The following GOLGA4 variants were observed in gnomAD, a reference collection of about 807,000 sequenced individuals.
The protein encoded by GOLGA4 is golgin subfamily A member 4.
A neutral mutation model predicts 265.9 loss-of-function variants in GOLGA4; 169 were observed. The observed-to-expected ratio is 0.64, with a 90% CI of 0.56 to 0.72. The LOEUF is 0.72. Ranked by LOEUF, GOLGA4 falls within the 30% of genes least tolerant of loss-of-function variation. The pLI, the probability that GOLGA4 is intolerant of heterozygous loss-of-function variation, is 0.00. For missense variants in GOLGA4, 2,482 were observed against 2,483.4 expected, an observed-to-expected ratio of 1.00 and a Z score of 0.01; for synonymous variants, 923 against 855.8, an observed-to-expected ratio of 1.08 and a Z score of -1.37.
Position 37,337,743 on chromosome 3 carries a change from C to T in GOLGA4, c.6396+9C>T, listed in dbSNP as rs140703855. On this transcript the variant is annotated intron_variant, in intron 19 of 23. Coordinates refer to ENST00000361924, the MANE Select transcript of GOLGA4 (RefSeq NM_002078.5). The stretch of plus-strand genomic sequence containing the variant: ...AAGAGTTCAGAGAACAGGTACAGGC[C>T]TAATTGGTACCTTTTATTTTGAACT... 18,401 of 1,532,482 alleles carry T rather than the reference C, an allele frequency of 0.012. 148 individuals carry two copies. Among genetic ancestry groups the T allele is most frequent in the Non-Finnish European group, 0.015 (16,197 of 1,105,774 alleles). The allele number at this position is 1,532,482 out of a possible 1,614,324, so 94.9% of individuals were successfully genotyped here.
chr3:37,305,530 A>G (rs1469718682), intron 10 of GOLGA4, among the ~76,000 whole-genome samples: 1 of 152,254 alleles, frequency 6.6e-6, no homozygotes, highest in East Asian at 1.9e-4. Context: ...CCAATTAAGT[A>G]CTAAACATAA....
At chr3:37,334,433 A>G (rs1347215002) in intron 16 of GOLGA4, among the ~76,000 whole-genome samples, 1 of 152,082 alleles carries the variant, frequency 6.6e-6, no homozygotes, top group African/African-American at 2.4e-5. Flanking sequence ...GGTGGGGGTA[A>G]ATACATAGGA....
At position 37,324,498 on chromosome 3, in the gene GOLGA4, A is replaced by C; in HGVS notation, c.2612A>C (p.Glu871Ala). 6.2e-7 allele frequency: 1 copy of C among 1,614,078 alleles called. No homozygotes were observed. Among genetic ancestry groups the C allele is most frequent in the Non-Finnish European group, 8.5e-7 (1 of 1,179,942 alleles). ...GTGCAGGACTTAATGCAGCAACTTGAAAAACAAAATAGTGAAATGGAGCAA... is the reference window on the plus strand; with the variant it reads ...GTGCAGGACTTAATGCAGCAACTTGCAAAACAAAATAGTGAAATGGAGCAA... ...IQVQDLMQQL[E>A]KQNSEMEQKV... is the part of the protein sequence containing the mutation. Residue 871 changes from glutamate to alanine, a missense_variant, in exon 14 of 24, where the codon GAA (glutamate) becomes GCA (alanine). Glu to Ala is a moderately radical substitution (Grantham distance 107). Transcript: ENST00000361924.
chr3:37,296,297 AC>A, intron 7 of GOLGA4, 78 bp downstream of exon 7: 1 of 1,412,708 alleles, frequency 7.1e-7, no homozygotes, highest in Non-Finnish European at 9.8e-7. Flanking sequence ...TTTAATCCCA[AC>A]ACTTTGGGAG....
intron 10 of GOLGA4, among the ~76,000 whole-genome samples, chr3:37,309,294 G>A (rs955624990): frequency 9.2e-5 from 14 of 151,468 alleles, no homozygotes; most frequent in Non-Finnish European, 1.6e-4. Context: ...GATGGCTCAT[G>A]CCTGTAATGC....
chr3:37,336,189 T>C (rs1441719912), intron 17 of GOLGA4, among the ~76,000 whole-genome samples: 2 of 152,180 alleles, frequency 1.3e-5, no homozygotes, highest in East Asian at 1.9e-4. Context: ...AATAGCTAAG[T>C]TAGTTCTGTT....
chr3:37,291,999 C>A (rs574253754), intron 5 of GOLGA4, among the ~76,000 whole-genome samples: 2 of 152,146 alleles, frequency 1.3e-5, no homozygotes, highest in South Asian at 2.1e-4. Flanking sequence ...TGACACAAGC[C>A]TCACTGGGCT....
At chr3:37,362,624 C>T (rs1011428335) in intron 23 of GOLGA4, among the ~76,000 whole-genome samples, 2 of 151,710 alleles carry the variant, frequency 1.3e-5, no homozygotes, top group Non-Finnish European at 2.9e-5. Context: ...CCTGTGTCAG[C>T]TCCTGGGCTC....
chr3:37,335,234 C>G (rs1281821784), intron 17 of GOLGA4, 68 bp downstream of exon 17: 2 of 814,476 alleles, frequency 2.5e-6, no homozygotes, highest in Admixed American at 2.2e-5. Flanking sequence ...TTTGACTAGC[C>G]TACTAACATA....
chr3:37,332,539 T>A (rs1015545877), intron 16 of GOLGA4, among the ~76,000 whole-genome samples: 1 of 152,120 alleles, frequency 6.6e-6, no homozygotes, highest in Admixed American at 6.5e-5. Flanking sequence ...TTAAATAAAA[T>A]TTTTAAATTT....
Position 37,325,021 on chromosome 3 carries a change from A to C in GOLGA4, c.3135A>C (p.Ser1045=). The change falls in exon 14 of 24, where the codon TCA becomes TCC. Residue 1045 remains serine, a synonymous_variant. Transcript: ENST00000361924. ...GACGAGAACTCAATGATGTCATATCAATCTGGGAAAAGAAACTTAATCAGC... is the reference window on the plus strand; with the variant it reads ...GACGAGAACTCAATGATGTCATATCCATCTGGGAAAAGAAACTTAATCAGC... ...VHRRELNDVI[S]IWEKKLNQQA... The C allele has an allele frequency of 6.2e-7, 1 of 1,612,764 alleles. No homozygotes were observed. The highest frequency in any genetic ancestry group is 8.5e-7 in the Non-Finnish European group (1 of 1,179,560).
intron 5 of GOLGA4, among the ~76,000 whole-genome samples, chr3:37,293,505 A>T (rs1047761659): frequency 2.0e-5 from 3 of 152,334 alleles, no homozygotes; most frequent in Non-Finnish European, 4.4e-5. Flanking sequence ...AAAAATATTG[A>T]TTATATGCAG....
intron 3 of GOLGA4, among the ~76,000 whole-genome samples, chr3:37,284,628 T>A (rs1437885692): frequency 6.6e-6 from 1 of 151,966 alleles, no homozygotes; most frequent in Admixed American, 6.6e-5. Context: ...TTTCGTTTTT[T>A]ATATTCTTTG....
intron 9 of GOLGA4, among the ~76,000 whole-genome samples, chr3:37,299,728 G>C (rs1460728550): frequency 6.6e-6 from 1 of 152,124 alleles, no homozygotes; most frequent in Non-Finnish European, 1.5e-5. Flanking sequence ...TATGGAAACA[G>C]ATTAATCTCT....
chr3:37,251,945 G>A (rs1361652095), intron 2 of GOLGA4, among the ~76,000 whole-genome samples: 1 of 152,200 alleles, frequency 6.6e-6, no homozygotes, highest in Admixed American at 6.5e-5. Context: ...GCTTTATAAA[G>A]TATGGTTGTT....
chr3:37,303,969 A>G (rs1417397487), intron 10 of GOLGA4, among the ~76,000 whole-genome samples: 1 of 152,188 alleles, frequency 6.6e-6, no homozygotes, highest in African/African-American at 2.4e-5. Flanking sequence ...TAAGTAATTT[A>G]CCTACATTTA....
chr3:37,317,460 G>A (rs531543222), intron 11 of GOLGA4, among the ~76,000 whole-genome samples: 2 of 152,160 alleles, frequency 1.3e-5, no homozygotes, highest in African/African-American at 2.4e-5. Flanking sequence ...GTGAGCCACT[G>A]TGCCTGGCCT....
intron 10 of GOLGA4, among the ~76,000 whole-genome samples, chr3:37,306,501 CTGTGTG>C (rs35641880): frequency 0.035 from 4,927 of 140,130 alleles, 159 homozygotes; most frequent in African/African-American, 0.093. Flanking sequence ...TGGCTGTTCT[CTGTGTG>C]TGTGTGTGTG....
At chr3:37,294,472 C>T (rs534034101) in intron 5 of GOLGA4, among the ~76,000 whole-genome samples, 1 of 151,264 alleles carries the variant, frequency 6.6e-6, no homozygotes, top group Admixed American at 6.6e-5. Flanking sequence ...GCAACCTCTT[C>T]CTCCCGGGTT....
Sources: allele counts gnomAD v4.1 joint callset (sites outside exome capture counted in the v4.1 genomes callset), GRCh38; gene constraint gnomAD v4.1.1; transcripts MANE v1.5; gene names NCBI Gene and HGNC (gene_info 2026-07-23, HGNC 2026-07-21).